The following TBCD variants were observed in gnomAD, a reference collection of about 807,000 sequenced individuals.
The protein encoded by TBCD is tubulin-specific chaperone D.
Under a neutral mutation model 169.3 loss-of-function variants are expected in TBCD, and 105 were observed. That is an observed-to-expected ratio of 0.62 (90% CI 0.53 to 0.73). The LOEUF is 0.73. TBCD is among the 30% of genes least tolerant of loss of function. TBCD has a pLI of 0.00. For missense variants in TBCD, 1,444 were observed against 1,600.1 expected (o/e 0.90, Z 1.66); for synonymous variants, 700 against 643.9 (o/e 1.09, Z -1.32).
chr17:82,841,109 A>G (rs2145455027), intron 13 of TBCD, among the ~76,000 whole-genome samples: 1 of 148,878 alleles, frequency 6.7e-6, no homozygotes, highest in South Asian at 2.1e-4. Context: ...CGCCCGGCTA[A>G]TTTTTTGTAT....
chr17:82,775,182 C>G (rs948664344), intron 6 of TBCD, among the ~76,000 whole-genome samples: 1 of 152,218 alleles, frequency 6.6e-6, no homozygotes, highest in Admixed American at 6.5e-5. Context: ...AGGTGCTTTT[C>G]GGCCGAGCCA....
At chr17:82,809,484 G>A (rs1349067377) in intron 11 of TBCD, among the ~76,000 whole-genome samples, 3 of 152,138 alleles carry the variant, frequency 2.0e-5, no homozygotes, top group East Asian at 1.9e-4. Flanking sequence ...ACCCTGTGCC[G>A]CGTGTGCTCA....
chr17:82,825,549 G>C (rs1168673856), intron 13 of TBCD, among the ~76,000 whole-genome samples: 1 of 152,172 alleles, frequency 6.6e-6, no homozygotes, highest in Non-Finnish European at 1.5e-5. Context: ...GTGGTTGTCT[G>C]AGGTGGGTGC....
At chr17:82,774,619 T>TAGG (rs2048475944) in intron 6 of TBCD, among the ~76,000 whole-genome samples, 1 of 151,894 alleles carries the variant, frequency 6.6e-6, no homozygotes, top group Admixed American at 6.6e-5. Flanking sequence ...TTCCCAGACT[T>TAGG]GGCGGCCGGG....
At chr17:82,823,588 G>C (rs2145101198) in intron 13 of TBCD, among the ~76,000 whole-genome samples, 1 of 152,100 alleles carries the variant, frequency 6.6e-6, no homozygotes, top group South Asian at 2.1e-4. Flanking sequence ...CACTGGTGGG[G>C]GCAGACGGCA....
At chr17:82,917,835 G>A (rs1466369277) in intron 23 of TBCD, among the ~76,000 whole-genome samples, 1 of 152,230 alleles carries the variant, frequency 6.6e-6, no homozygotes, top group African/African-American at 2.4e-5. Context: ...GGGGGTTTCT[G>A]GTTCTTGTGG....
At chr17:82,845,430 C>T (rs898546820) in intron 13 of TBCD, among the ~76,000 whole-genome samples, 11 of 145,542 alleles carry the variant, frequency 7.6e-5, no homozygotes, top group African/African-American at 2.8e-4. Flanking sequence ...CCATCTTGTC[C>T]GGCCCGGCCC....
rs978785596 is a variant in TBCD, at chr17:82,909,297, C to T, written c.1996C>T (p.Gln666Ter). 1 of 1,521,856 alleles carries T rather than the reference C, an allele frequency of 6.6e-7. No homozygotes were observed. Among genetic ancestry groups the T allele is most frequent in the Non-Finnish European group, 8.9e-7 (1 of 1,122,060 alleles). 94.3% of individuals were successfully genotyped at this position (1,521,856 alleles called of 1,614,324 possible). The stretch of plus-strand genomic sequence containing the variant: ...TTTTTATTTTCAGCTCTATGATCGT[C>T]AGTTATACAGGTGAGCTTTACAAAA... ...KQIHQQLYDR[Q>*]LYRGLGGQLM... The change falls in exon 22 of 39, where the codon CAG becomes TAG. Residue 666 changes from glutamine (Q) to a stop codon, truncating the protein, a stop_gained. Transcript: ENST00000355528. LOFTEE classifies it high-confidence loss of function.
intron 7 of TBCD, among the ~76,000 whole-genome samples, chr17:82,792,302 C>T (rs756312909): frequency 8.2e-5 from 11 of 134,442 alleles, no homozygotes; most frequent in Admixed American, 3.1e-4. Flanking sequence ...AGCGAGACTC[C>T]GTCTCCAAAA....
chr17:82,939,435 T>G lies in TBCD; in HGVS notation c.3438T>G (p.Asp1146Glu). The change falls in exon 37 of 39, where the codon GAT becomes GAG. Residue 1146 changes from aspartate to glutamate, a missense_variant. Physicochemically the swap from Asp to Glu is conservative, Grantham distance 45. Transcript: ENST00000355528. ...LLTYSDVVGA[D>E]VLDEVVTVLS... ...CCTACAGTGACGTCGTGGGCGCGGATGTGCTGGACGAGGTGGTGACTGTGC... is the reference window on the plus strand; with the variant it reads ...CCTACAGTGACGTCGTGGGCGCGGAGGTGCTGGACGAGGTGGTGACTGTGC... 1 of 1,613,728 alleles carries G rather than the reference T, an allele frequency of 6.2e-7. No individual in the cohort carries two copies. The highest frequency in any genetic ancestry group is 8.5e-7 in the Non-Finnish European group (1 of 1,179,856).
At chr17:82,788,412 G>C (rs993586664) in intron 7 of TBCD, among the ~76,000 whole-genome samples, 1 of 152,092 alleles carries the variant, frequency 6.6e-6, no homozygotes, top group African/African-American at 2.4e-5. Context: ...GGGGCTGGGG[G>C]ACTCGGACTG....
Position 82,880,628 on chromosome 17 carries a change from G to A in TBCD, c.1476-3517G>A, listed in dbSNP as rs1469835829. On this transcript the variant is annotated intron_variant, in intron 14 of 38. Coordinates refer to ENST00000355528, the MANE Select transcript of TBCD (RefSeq NM_005993.5). This position sits in a 1 kb window ranked among gnomAD's most constrained non-coding sequence, Gnocchi z 5.0. Reference sequence around the variant, plus strand: ...CATCCAGGCCCTCAGGGCAGGTAGCGGGTGGGCCTCCGTGGTGTTGGGAGG... The same window carrying A: ...CATCCAGGCCCTCAGGGCAGGTAGCAGGTGGGCCTCCGTGGTGTTGGGAGG... Among the ~76,000 whole-genome samples, 1 of 151,930 alleles carries A rather than the reference G, an allele frequency of 6.6e-6. No individual in the cohort carries two copies. Among genetic ancestry groups the A allele is most frequent in the African/African-American group, 2.4e-5 (1 of 41,356 alleles).
At chr17:82,910,913 T>C (rs893549727) in intron 22 of TBCD, among the ~76,000 whole-genome samples, 12 of 152,218 alleles carry the variant, frequency 7.9e-5, no homozygotes, top group South Asian at 2.1e-4. Context: ...AACCTCGTGC[T>C]GTTCTCCTTT....
intron 10 of TBCD, among the ~76,000 whole-genome samples, chr17:82,807,402 G>T (rs1351210567): frequency 6.6e-6 from 1 of 151,822 alleles, no homozygotes; most frequent in East Asian, 1.9e-4. Context: ...TCTTTCTTAG[G>T]AACAGAGAAC....
rs151231199 is a variant in TBCD, at chr17:82,865,508, G to T, written c.1319-4716G>T. On this transcript the variant is annotated intron_variant, in intron 13 of 38. Coordinates refer to ENST00000355528, the MANE Select transcript of TBCD (RefSeq NM_005993.5). ...GTGCCCACGTTTCCACGCCTTCCTC[G>T]TGGAGGGTGTGGCGGGCTGTCTGTG... 48 of 985,466 alleles carry T rather than the reference G, an allele frequency of 4.9e-5. No homozygotes were observed. The East Asian group carries it at 4.0e-3, about 82-fold the overall frequency. The allele number at this position is 985,466 out of a possible 1,614,324, so 61.0% of individuals were successfully genotyped here. A position where few individuals can be genotyped will look rare whatever the true frequency, so the allele number is the denominator to read the frequency against.
rs199974027 is a variant in TBCD, at chr17:82,756,542, C to T, written c.235+327C>T. On this transcript the variant is annotated intron_variant, in intron 2 of 38. Coordinates refer to ENST00000355528, the MANE Select transcript of TBCD (RefSeq NM_005993.5). ...GTCTCCAGGCTAGAGTGCTGTGGCG[C>T]GATCTCAGCTCACTGCATCCTCCAG... 3.0e-4 allele frequency among the ~76,000 whole-genome samples: 46 copies of T among 152,136 alleles called. No individual in the cohort carries two copies. In the East Asian group the frequency reaches 3.3e-3, roughly 11 times the overall value.
intron 6 of TBCD, among the ~76,000 whole-genome samples, chr17:82,780,868 G>A (rs1399222441): frequency 1.3e-5 from 2 of 151,798 alleles, no homozygotes; most frequent in African/African-American, 4.8e-5. Flanking sequence ...GACTGGTCTC[G>A]AACTCCTGAC....
At chr17:82,787,200 C>T (rs984161403) in intron 7 of TBCD, among the ~76,000 whole-genome samples, 1 of 152,206 alleles carries the variant, frequency 6.6e-6, no homozygotes, top group Non-Finnish European at 1.5e-5. Context: ...GCGTGCTGTC[C>T]TGCCGTTTAG....
At chr17:82,932,826 T>A in intron 34 of TBCD, 91 bp downstream of exon 34, 1 of 1,324,070 alleles carries the variant, frequency 7.6e-7, no homozygotes, top group Admixed American at 1.9e-5. Context: ...AGATCAGAAT[T>A]CCAGGAAATG....
Sources: allele counts gnomAD v4.1 joint callset (sites outside exome capture counted in the v4.1 genomes callset), GRCh38; gene constraint gnomAD v4.1.1; non-coding constraint Gnocchi (gnomAD v3.1); transcripts MANE v1.5; gene names NCBI Gene and HGNC (gene_info 2026-07-23, HGNC 2026-07-21).